TMEM131: variants seen among roughly 807,000 people sequenced by gnomAD.
TMEM131 encodes the protein transmembrane protein 131.
Under a neutral mutation model 211.6 loss-of-function variants are expected in TMEM131, and 66 were observed. That is an observed-to-expected ratio of 0.31 (90% CI 0.26 to 0.38). TMEM131 has a LOEUF of 0.38. TMEM131 is among the 10% of genes least tolerant of loss of function. TMEM131 has a pLI of 1.00. For missense variants in TMEM131, 2,036 were observed against 2,299.3 expected, an observed-to-expected ratio of 0.89 and a Z score of 2.34; for synonymous variants, 844 against 841.3, an observed-to-expected ratio of 1.00 and a Z score of -0.06.
At chr2:97,909,233 TA>T (rs1488377521) in intron 2 of TMEM131, among the ~76,000 whole-genome samples, 2 of 151,970 alleles carry the variant, frequency 1.3e-5, no homozygotes, top group East Asian at 3.9e-4. Flanking sequence ...CCTGAAGGAT[TA>T]AAAAAAGCAG....
chr2:97,907,641 T>C (rs1215515641), intron 3 of TMEM131, among the ~76,000 whole-genome samples: 1 of 152,188 alleles, frequency 6.6e-6, no homozygotes, highest in Non-Finnish European at 1.5e-5. Flanking sequence ...CTGATTTCAG[T>C]GGATAGTAAT....
intron 1 of TMEM131, among the ~76,000 whole-genome samples, chr2:97,942,503 AAAAG>A (rs77844034): frequency 1.1e-3 from 76 of 67,664 alleles, no homozygotes; most frequent in African/African-American, 4.2e-3. Flanking sequence ...AAAAAAAAAG[AAAAG>A]AAAGAAACAG....
At chr2:97,822,082 T>G (rs984417692) in intron 11 of TMEM131, among the ~76,000 whole-genome samples, 1 of 152,164 alleles carries the variant, frequency 6.6e-6, no homozygotes, top group Non-Finnish European at 1.5e-5. Context: ...TCAGACAAAC[T>G]TCCTCTTGCC....
chr2:97,897,520 A>C (rs768153295), intron 3 of TMEM131, among the ~76,000 whole-genome samples: 1 of 152,164 alleles, frequency 6.6e-6, no homozygotes, highest in Non-Finnish European at 1.5e-5. Flanking sequence ...AAATAATTAC[A>C]AAGGCGTTTA....
At chr2:97,823,306 C>T (rs1437990469) in intron 11 of TMEM131, among the ~76,000 whole-genome samples, 3 of 152,056 alleles carry the variant, frequency 2.0e-5, no homozygotes, top group African/African-American at 7.2e-5. Flanking sequence ...GGAATTTGGC[C>T]CAACCTGGGT....
chr2:97,791,769 G>A (rs1680507594), intron 31 of TMEM131, among the ~76,000 whole-genome samples: 1 of 152,102 alleles, frequency 6.6e-6, no homozygotes, highest in South Asian at 2.1e-4. Context: ...TCAGAAATAG[G>A]TAATTAATAC....
At chr2:97,813,735 T>G (rs1227809333) in intron 15 of TMEM131, among the ~76,000 whole-genome samples, 1 of 152,196 alleles carries the variant, frequency 6.6e-6, no homozygotes, top group Admixed American at 6.5e-5. Flanking sequence ...GAAAGCAGAA[T>G]GTGGAAAAGA....
chr2:97,962,978 G>T lies in TMEM131; in HGVS notation c.187+32498C>A, dbSNP rs138957220. ...CAGCTACAGAAAGTGACAAAAAGCA[G>T]AGCAATAGTTGTTGCCTGAGACCAG... is the stretch of plus-strand genomic sequence containing the variant. On this transcript the variant is annotated intron_variant, in intron 1 of 40. Coordinates refer to ENST00000186436, the MANE Select transcript of TMEM131 (RefSeq NM_015348.2). Among the ~76,000 whole-genome samples the T allele has an allele frequency of 2.2e-4, 33 of 152,292 alleles. No individual in the cohort carries two copies. The East Asian group carries it at 5.6e-3, about 26-fold the overall frequency.
intron 11 of TMEM131, among the ~76,000 whole-genome samples, chr2:97,819,635 A>C (rs1042938038): frequency 3.9e-5 from 6 of 152,248 alleles, no homozygotes; most frequent in African/African-American, 1.4e-4. Flanking sequence ...TGATTAAAAA[A>C]TAATCTTCCT....
At chr2:97,978,173 A>G (rs1400558844) in intron 1 of TMEM131, among the ~76,000 whole-genome samples, 1 of 152,212 alleles carries the variant, frequency 6.6e-6, no homozygotes, top group Non-Finnish European at 1.5e-5. Context: ...TGTAGCATGC[A>G]ATGCTGTTTG....
chr2:97,922,390 A>G (rs185040105), intron 2 of TMEM131, among the ~76,000 whole-genome samples: 13 of 152,332 alleles, frequency 8.5e-5, no homozygotes, highest in Admixed American at 7.8e-4. Context: ...TCCCTCAGAA[A>G]AAAATCATTT....
chr2:97,949,009 G>A (rs1249736882), intron 1 of TMEM131, among the ~76,000 whole-genome samples: 2 of 152,126 alleles, frequency 1.3e-5, no homozygotes, highest in African/African-American at 4.8e-5. Flanking sequence ...CCATTTCTAG[G>A]TATTTGCCCA....
At chr2:97,893,910 T>C (rs540786881) in intron 3 of TMEM131, among the ~76,000 whole-genome samples, 7 of 152,348 alleles carry the variant, frequency 4.6e-5, no homozygotes, top group Admixed American at 1.3e-4. Flanking sequence ...TTTTGGCTTT[T>C]GCTGCCATTG....
At chr2:97,833,533 C>T (rs373864208) in intron 10 of TMEM131, 107 bp from the exon 11 acceptor site, 5 of 607,072 alleles carry the variant, frequency 8.2e-6, no homozygotes, top group East Asian at 3.2e-5. Flanking sequence ...TTGTGAAATA[C>T]AATGACAATA....
chr2:97,899,100 G>T (rs1471711716), intron 3 of TMEM131, among the ~76,000 whole-genome samples: 1 of 151,828 alleles, frequency 6.6e-6, no homozygotes, highest in East Asian at 1.9e-4. Flanking sequence ...ATTAGAATCT[G>T]GGATTGTTGT....
intron 25 of TMEM131, among the ~76,000 whole-genome samples, chr2:97,798,768 T>TC: frequency 6.6e-6 from 1 of 152,364 alleles, no homozygotes; most frequent in East Asian, 1.9e-4. Context: ...GTTGTTCAAG[T>TC]GTTAACTGCT....
intron 2 of TMEM131, chr2:97,913,013 T>C (rs1389574896): frequency 6.6e-6 from 1 of 152,214 alleles, no homozygotes; most frequent in African/African-American, 2.4e-5. Context: ...GGCAATTTTG[T>C]TTCCCTGGGG....
intron 40 of TMEM131, among the ~76,000 whole-genome samples, chr2:97,758,455 G>A (rs921337337): frequency 1.3e-5 from 2 of 152,246 alleles, no homozygotes. Flanking sequence ...CTAAGAGACA[G>A]GTGCTTCTCA....
chr2:97,858,139 A>G (rs375909827), intron 5 of TMEM131, among the ~76,000 whole-genome samples: 29 of 152,318 alleles, frequency 1.9e-4, no homozygotes, highest in African/African-American at 7.0e-4. Flanking sequence ...GTAAACATCA[A>G]ATAAATGATA....
Sources: allele counts gnomAD v4.1 joint callset (sites outside exome capture counted in the v4.1 genomes callset), GRCh38; gene constraint gnomAD v4.1.1; transcripts MANE v1.5; gene names NCBI Gene and HGNC (gene_info 2026-07-23, HGNC 2026-07-21).